TPST1: variants seen among roughly 807,000 people sequenced by gnomAD.
TPST1 encodes the protein protein-tyrosine sulfotransferase 1.
Under a neutral mutation model 34.8 loss-of-function variants are expected in TPST1, and 20 were observed. The observed-to-expected ratio is 0.57, with a 90% CI of 0.40 to 0.84. The LOEUF (loss-of-function observed/expected upper bound fraction) is 0.84, where lower values mean the gene tolerates loss of function less well. TPST1 is among the 40% of genes least tolerant of loss of function. The pLI, the probability that TPST1 is intolerant of heterozygous loss-of-function variation, is 0.00. For synonymous variants in TPST1, 152 were observed against 159.4 expected (o/e 0.95, Z 0.35); for missense variants, 353 against 455.5 (o/e 0.78, Z 2.05).
intron 3 of TPST1, among the ~76,000 whole-genome samples, chr7:66,330,146 T>TG (rs1292050009): frequency 1.3e-5 from 2 of 152,102 alleles, no homozygotes; most frequent in Non-Finnish European, 2.9e-5. Context: ...TCCTAATCCC[T>TG]GGGGTCTGTG....
intron 2 of TPST1, among the ~76,000 whole-genome samples, chr7:66,263,878 C>T (rs1790536308): frequency 6.6e-6 from 1 of 152,062 alleles, no homozygotes; most frequent in Non-Finnish European, 1.5e-5. Context: ...TTTTTCAGAA[C>T]TCTAGAAATT....
At position 66,359,966 on chromosome 7, in the gene TPST1, G is replaced by A. The variant is rs910526853; in HGVS notation, c.*101G>A. On this transcript the variant is annotated 3_prime_UTR_variant, in exon 6 of 6. Coordinates refer to ENST00000304842, the MANE Select transcript of TPST1 (RefSeq NM_003596.4). Reference sequence around the variant, plus strand: ...TGTCCCCTGCCAAGCTTGGTGGAGCGTCTGCACCTTGGCTGCGCCGCCTGT... The same window carrying A: ...TGTCCCCTGCCAAGCTTGGTGGAGCATCTGCACCTTGGCTGCGCCGCCTGT... The A allele has an allele frequency of 2.8e-5, 13 of 456,548 alleles. No homozygotes were observed. Among genetic ancestry groups the A allele is most frequent in the Admixed American group, 1.2e-4 (5 of 42,552 alleles). The allele number at this position is 456,548 out of a possible 1,614,324, so 28.3% of individuals were successfully genotyped here.
chr7:66,317,113 A>G (rs747897851), intron 3 of TPST1, among the ~76,000 whole-genome samples: 1 of 152,358 alleles, frequency 6.6e-6, no homozygotes, highest in Middle Eastern at 3.4e-3. Flanking sequence ...AGACATAAAC[A>G]TGCGTGGAGC....
At chr7:66,312,375 T>C (rs1205370987) in intron 3 of TPST1, among the ~76,000 whole-genome samples, 1 of 152,238 alleles carries the variant, frequency 6.6e-6, no homozygotes, top group Admixed American at 6.5e-5. Flanking sequence ...ACATTCAGAA[T>C]GACTGTTCTG....
At position 66,237,698 on chromosome 7, in the gene TPST1, C is replaced by T. The variant is rs554772520; in HGVS notation, c.-101-2627C>T. 3.1e-3 allele frequency among the ~76,000 whole-genome samples: 465 copies of T among 151,990 alleles called. 1 individual carries two copies. The highest frequency in any genetic ancestry group is 5.8e-3 in the Non-Finnish European group (391 of 67,966). On this transcript the variant is annotated intron_variant, in intron 1 of 5. Coordinates refer to ENST00000304842, the MANE Select transcript of TPST1 (RefSeq NM_003596.4). ...TCACTGAATTTAGAGTGGTGGGTAACGCGCATGCCCACTCTGTATATGGGG... is the reference window on the plus strand; with the variant it reads ...TCACTGAATTTAGAGTGGTGGGTAATGCGCATGCCCACTCTGTATATGGGG...
intron 1 of TPST1, among the ~76,000 whole-genome samples, chr7:66,215,455 A>G (rs1344139375): frequency 6.6e-6 from 1 of 150,996 alleles, no homozygotes; most frequent in Admixed American, 6.6e-5. Context: ...GCTCGCTGCA[A>G]GCTCTGCCTC....
intron 1 of TPST1, among the ~76,000 whole-genome samples, chr7:66,219,291 A>G (rs1436500845): frequency 1.3e-5 from 2 of 152,120 alleles, no homozygotes; most frequent in Admixed American, 6.5e-5. Context: ...CTAGAGGCAT[A>G]ATTTCCCACA....
upstream of TPST1, among the ~76,000 whole-genome samples, chr7:66,202,883 G>A (rs890276427): frequency 3.3e-5 from 5 of 152,110 alleles, no homozygotes; most frequent in African/African-American, 1.2e-4. Flanking sequence ...AGACCAGCCC[G>A]GCCAACATGG....
At chr7:66,333,558 G>C (rs1002053) in intron 3 of TPST1, among the ~76,000 whole-genome samples, 15 of 152,118 alleles carry the variant, frequency 9.9e-5, no homozygotes, top group Admixed American at 7.8e-4. Context: ...AACTGGGAAG[G>C]TTAAAAAATC....
intron 2 of TPST1, among the ~76,000 whole-genome samples, chr7:66,257,090 T>A (rs1297113666): frequency 6.6e-6 from 1 of 152,080 alleles, no homozygotes; most frequent in East Asian, 1.9e-4. Context: ...GGGATTACAG[T>A]TGTGTGCCAC....
At chr7:66,236,526 C>T (rs1789916024) in intron 1 of TPST1, among the ~76,000 whole-genome samples, 2 of 151,856 alleles carry the variant, frequency 1.3e-5, no homozygotes, top group African/African-American at 4.8e-5. Flanking sequence ...ATATATACTG[C>T]CTTTGCTTTG....
At chr7:66,306,463 CTG>C (rs1352677610) in intron 3 of TPST1, among the ~76,000 whole-genome samples, 1 of 152,196 alleles carries the variant, frequency 6.6e-6, no homozygotes, top group African/African-American at 2.4e-5. Context: ...CTCTGACTCC[CTG>C]TCTTTCTTTG....
At chr7:66,300,328 A>G (rs745918751) in intron 3 of TPST1, among the ~76,000 whole-genome samples, 2 of 152,224 alleles carry the variant, frequency 1.3e-5, no homozygotes, top group Admixed American at 1.3e-4. Flanking sequence ...GAAGCAACTC[A>G]TTCATTCAAG....
chr7:66,310,487 G>A (rs552669320), intron 3 of TPST1, among the ~76,000 whole-genome samples: 52 of 152,170 alleles, frequency 3.4e-4, no homozygotes, highest in East Asian at 1.2e-3. Flanking sequence ...TTCTATTACC[G>A]TGTGTTCACT....
chr7:66,323,244 C>G (rs1484488177), intron 3 of TPST1, among the ~76,000 whole-genome samples: 1 of 152,096 alleles, frequency 6.6e-6, no homozygotes, highest in African/African-American at 2.4e-5. Context: ...GGCCATCTAT[C>G]CAGACCAGGC....
At chr7:66,350,948 A>G (rs1405015473) in intron 3 of TPST1, among the ~76,000 whole-genome samples, 1 of 152,218 alleles carries the variant, frequency 6.6e-6, no homozygotes, top group African/African-American at 2.4e-5. Context: ...ATTTTGTTGT[A>G]GTATATCACA....
upstream of TPST1, among the ~76,000 whole-genome samples, chr7:66,202,051 G>C (rs1789040083): frequency 6.6e-6 from 1 of 152,066 alleles, no homozygotes; most frequent in Non-Finnish European, 1.5e-5. Context: ...AATAACAAGT[G>C]TGTGTGTATG....
chr7:66,346,569 C>T (rs1792356511), intron 3 of TPST1, among the ~76,000 whole-genome samples: 1 of 152,256 alleles, frequency 6.6e-6, no homozygotes, highest in South Asian at 2.1e-4. Context: ...TTGCATCTCC[C>T]TGATGGTCAT....
At chr7:66,295,098 T>G (rs1344739057) in intron 3 of TPST1, among the ~76,000 whole-genome samples, 1 of 151,774 alleles carries the variant, frequency 6.6e-6, no homozygotes, top group African/African-American at 2.4e-5. Context: ...TTGCAGATAC[T>G]CAATTTTAGG....
Sources: gnomAD v4.1 joint callset for allele counts (sites outside exome capture counted in the v4.1 genomes callset) on GRCh38, gnomAD v4.1.1 for gene constraint, MANE v1.5 for transcripts, NCBI Gene and HGNC (gene_info 2026-07-23, HGNC 2026-07-21) for gene names.